Variants in LTBP2 observed in about 807,000 individuals in gnomAD.
The protein encoded by LTBP2 is latent-transforming growth factor beta-binding protein 2.
A neutral mutation model predicts 210.6 loss-of-function variants in LTBP2; 103 were observed. The observed-to-expected ratio is 0.49, with a 90% CI of 0.42 to 0.58. The LOEUF is 0.58. Ranked by LOEUF, LTBP2 falls within the 20% of genes least tolerant of loss-of-function variation. The pLI, the probability that LTBP2 is intolerant of heterozygous loss-of-function variation, is 0.00. For synonymous variants in LTBP2, 1,007 were observed against 1,015.0 expected (o/e 0.99, Z 0.15); for missense variants, 2,313 against 2,494.5 (o/e 0.93, Z 1.55).
At chr14:74,531,689 C>T (rs1364261038) in intron 10 of LTBP2, among the ~76,000 whole-genome samples, 2 of 152,250 alleles carry the variant, frequency 1.3e-5, no homozygotes, top group Non-Finnish European at 2.9e-5. Flanking sequence ...CTGAGCTGGG[C>T]GTGGCCCATC....
intron 4 of LTBP2, among the ~76,000 whole-genome samples, chr14:74,553,356 G>GGATATGTTTGGATATATGGA (rs2087686098): frequency 6.6e-6 from 1 of 152,074 alleles, no homozygotes; most frequent in Admixed American, 6.5e-5. Flanking sequence ...GCTGAGTGTT[G>GGATATGTTTGGATATATGGA]GTATTTTTCA....
intron 17 of LTBP2, among the ~76,000 whole-genome samples, chr14:74,518,456 T>TCC (rs2087162290): frequency 1.3e-5 from 2 of 152,058 alleles, no homozygotes; most frequent in Admixed American, 1.3e-4. Context: ...GCCCACACTG[T>TCC]CCCCTTGCCT....
intron 3 of LTBP2, among the ~76,000 whole-genome samples, chr14:74,568,821 T>G (rs1360291761): frequency 6.6e-6 from 1 of 152,196 alleles, no homozygotes; most frequent in Non-Finnish European, 1.5e-5. Flanking sequence ...TCTTGAGAAC[T>G]ATACTTCGGG....
At chr14:74,548,935 C>A (rs2087613137) in intron 8 of LTBP2, among the ~76,000 whole-genome samples, 1 of 152,214 alleles carries the variant, frequency 6.6e-6, no homozygotes, top group Admixed American at 6.5e-5. Flanking sequence ...GCCAAAAATT[C>A]TATCACACTG....
intron 3 of LTBP2, among the ~76,000 whole-genome samples, chr14:74,569,663 G>T (rs1386161320): frequency 1.3e-5 from 2 of 152,164 alleles, no homozygotes; most frequent in Non-Finnish European, 2.9e-5. Flanking sequence ...ATCTGCTGGG[G>T]CGTCAGAGTC....
chr14:74,602,664 CTTG>C (rs529634864), intron 2 of LTBP2, among the ~76,000 whole-genome samples: 172 of 152,326 alleles, frequency 1.1e-3, no homozygotes, highest in South Asian at 4.3e-3. Context: ...GGTACTGGCT[CTTG>C]TTGTTGTTAA....
At chr14:74,607,551 G>A (rs1400050338) in intron 1 of LTBP2, among the ~76,000 whole-genome samples, 1 of 152,040 alleles carries the variant, frequency 6.6e-6, no homozygotes, top group Non-Finnish European at 1.5e-5. Context: ...ACAGGAGGAT[G>A]GATAAACTGT....
chr14:74,578,511 C>T (rs2088091471), intron 3 of LTBP2, among the ~76,000 whole-genome samples: 1 of 152,180 alleles, frequency 6.6e-6, no homozygotes, highest in African/African-American at 2.4e-5. Flanking sequence ...CTGACACACA[C>T]ACTGGGCCAC....
intron 18 of LTBP2, among the ~76,000 whole-genome samples, chr14:74,512,965 G>C (rs2087090659): frequency 6.6e-6 from 1 of 152,264 alleles, no homozygotes; most frequent in South Asian, 2.1e-4. Flanking sequence ...CAAAGCCACT[G>C]AGAATGAGCA....
At chr14:74,555,446 G>T in intron 4 of LTBP2, 57 bp downstream of exon 4, 2 of 1,573,960 alleles carry the variant, frequency 1.3e-6, no homozygotes, top group Non-Finnish European at 1.7e-6. Context: ...AGCCAAGGTG[G>T]GAGAAGAGAG....
chr14:74,554,065 G>A (rs987907229), intron 4 of LTBP2, among the ~76,000 whole-genome samples: 11 of 151,816 alleles, frequency 7.2e-5, no homozygotes, highest in South Asian at 4.2e-4. Flanking sequence ...TGATGCCAGC[G>A]TTCCAGAGGA....
chr14:74,502,519 C>CGG (rs1566611323), intron 34 of LTBP2, 134 bp downstream of exon 34: 20 of 1,250,794 alleles, frequency 1.6e-5, no homozygotes, highest in Non-Finnish European at 2.3e-5. Flanking sequence ...GAGCCGTGAA[C>CGG]GGGGACCTCT....
At chr14:74,512,073 G>A (rs551321820) in intron 18 of LTBP2, among the ~76,000 whole-genome samples, 1 of 152,286 alleles carries the variant, frequency 6.6e-6, no homozygotes, top group East Asian at 1.9e-4. Flanking sequence ...AGGGAGAGTG[G>A]CAACAGGAAG....
intron 10 of LTBP2, among the ~76,000 whole-genome samples, chr14:74,529,565 T>C (rs1400087162): frequency 1.3e-5 from 2 of 152,150 alleles, no homozygotes; most frequent in African/African-American, 4.8e-5. Flanking sequence ...AGGGACCCTA[T>C]CTTGGGTCAT....
chr14:74,540,816 A>T (rs2087487972), intron 8 of LTBP2, among the ~76,000 whole-genome samples: 2 of 17,852 alleles, frequency 1.1e-4, no homozygotes, highest in Non-Finnish European at 2.7e-3. Flanking sequence ...TATAATATAT[A>T]TATATTTTTA....
At position 74,509,757 on chromosome 14, in the gene LTBP2, TTCACCCAGTACCCGTTC is replaced by T. The variant is rs2087045732; in HGVS notation, c.3237_3253del (p.Asn1080Ter). On this transcript the variant is annotated frameshift_variant, in exon 21 of 36. Transcript: ENST00000261978. LOFTEE classifies it high-confidence loss of function. ...ACCTTCACAGGCAGTGCCGTCTTCA[TTCACCCAGTACCCGTTC>T]TCACAGGCAGAGCAGGCGAAGGAGC... 2 of 1,613,816 alleles carry T rather than the reference TTCACCCAGTACCCGTTC, an allele frequency of 1.2e-6. No individual in the cohort carries two copies. The highest frequency in any genetic ancestry group is 1.7e-6 in the Non-Finnish European group (2 of 1,179,974).
At chr14:74,532,694 G>T in intron 9 of LTBP2, 146 bp from the exon 10 acceptor site, 1 of 905,748 alleles carries the variant, frequency 1.1e-6, no homozygotes, top group Non-Finnish European at 1.7e-6. Flanking sequence ...CTCTCCCTGT[G>T]CCTCAGTTTC....
chr14:74,538,473 C>G (rs1342932348), intron 8 of LTBP2, among the ~76,000 whole-genome samples: 2 of 150,190 alleles, frequency 1.3e-5, no homozygotes, highest in Non-Finnish European at 3.0e-5. Context: ...TTTGCAGGAG[C>G]TTTTAAGAGC....
intron 19 of LTBP2, among the ~76,000 whole-genome samples, chr14:74,510,890 A>C (rs1002357856): frequency 6.6e-6 from 1 of 152,258 alleles, no homozygotes; most frequent in Non-Finnish European, 1.5e-5. Context: ...TTTGAGATGC[A>C]GAAGAGCAGG....
Sources: gnomAD v4.1 joint callset for allele counts (sites outside exome capture counted in the v4.1 genomes callset) on GRCh38, gnomAD v4.1.1 for gene constraint, MANE v1.5 for transcripts, NCBI Gene and HGNC (gene_info 2026-07-23, HGNC 2026-07-21) for gene names.